Variants in ASMT observed in about 807,000 individuals in gnomAD.
The protein encoded by ASMT is acetylserotonin N-methyltransferase.
ASMT carries 53 observed loss-of-function variants against 41.3 expected under a neutral mutation model. That is an observed-to-expected ratio of 1.28 (90% CI 1.03 to 1.61). ASMT has a LOEUF of 1.61. ASMT is among the 40% of genes most tolerant of loss of function. The pLI is 0.00. For missense variants in ASMT, 531 were observed against 441.3 expected (o/e 1.20, Z -1.82); for synonymous variants, 231 against 184.8 (o/e 1.25, Z -2.03).
At chrX:1,641,403 C>G (rs1262006531) in intron 8 of ASMT, among the ~76,000 whole-genome samples, 2 of 146,244 alleles carry the variant, frequency 1.4e-5, no homozygotes, top group African/African-American at 5.0e-5. Context: ...GTCCACCTAT[C>G]CTGATGGTCC....
intron 1 of ASMT, among the ~76,000 whole-genome samples, chrX:1,622,140 C>A (rs1354783349): frequency 9.2e-5 from 14 of 151,402 alleles, no homozygotes; most frequent in Non-Finnish European, 1.5e-4. Context: ...TACAGGTGCG[C>A]ACCACCATGC....
In ASMT at chrX:1,627,633, C is replaced by G. The variant is rs749419479; in HGVS notation, c.375-70C>G. ...TGAAATGAAATGAAACGAAATGAAA[C>G]GAAATGAAATGAAATGAAATGAAAT... On this transcript the variant is annotated intron_variant, in intron 3 of 8. Coordinates refer to ENST00000381241, the MANE Select transcript of ASMT (RefSeq NM_001171038.2). 2.5e-6 allele frequency: 3 copies of G among 1,198,966 alleles called. No individual in the cohort carries two copies. The Admixed American group carries it at 5.1e-5, about 20-fold the overall frequency. 74.3% of individuals were successfully genotyped at this position (1,198,966 alleles called of 1,614,324 possible).
rs1351346563 is a variant in ASMT, at chrX:1,615,120, C to T, written c.-80C>T. The T allele has an allele frequency of 6.7e-6, 9 of 1,348,310 alleles. No homozygotes were observed. Among genetic ancestry groups the T allele is most frequent in the South Asian group, 1.2e-5 (1 of 80,058 alleles). 83.5% of individuals were successfully genotyped at this position (1,348,310 alleles called of 1,614,324 possible). On this transcript the variant is annotated 5_prime_UTR_variant, in exon 1 of 9. Transcript: ENST00000381241. ...AGCAGCTGTGAGCGGGTGGCTCTTCCCCACCTTGCCAGCAGGCTCTGTGCT... is the reference window on the plus strand; with the variant it reads ...AGCAGCTGTGAGCGGGTGGCTCTTCTCCACCTTGCCAGCAGGCTCTGTGCT...
intron 5 of ASMT, among the ~76,000 whole-genome samples, chrX:1,630,905 A>G (rs868085706): frequency 9.2e-6 from 1 of 108,946 alleles, no homozygotes; most frequent in Non-Finnish European, 1.9e-5. Context: ...ATTTACTTGT[A>G]TTTATTTATT....
At chrX:1,623,972 T>C (rs184619605) in intron 2 of ASMT, among the ~76,000 whole-genome samples, 2 of 152,228 alleles carry the variant, frequency 1.3e-5, no homozygotes, top group East Asian at 3.9e-4. Flanking sequence ...TTAGACATTC[T>C]GTGGAATGTA....
intron 1 of ASMT, among the ~76,000 whole-genome samples, chrX:1,616,319 C>T (rs1170445889): frequency 6.6e-6 from 1 of 151,430 alleles, no homozygotes; most frequent in East Asian, 1.9e-4. Flanking sequence ...CACAGAATAA[C>T]ATCGTGCTCA....
At chrX:1,635,943 A>G (rs1380052757) in intron 7 of ASMT, among the ~76,000 whole-genome samples, 1 of 151,380 alleles carries the variant, frequency 6.6e-6, no homozygotes, top group Non-Finnish European at 1.5e-5. Context: ...AAGAGGCCAC[A>G]CTTATTCAGT....
intron 4 of ASMT, chrX:1,628,077 T>C: frequency 7.0e-6 from 3 of 428,274 alleles, no homozygotes. Context: ...TCCCAGAACT[T>C]TGGGAGGCCG....
chrX:1,627,623 C>G, intron 3 of ASMT, 80 bp from the exon 4 acceptor site: 1 of 1,126,858 alleles, frequency 8.9e-7, no homozygotes, highest in East Asian at 3.0e-5. Context: ...TGAAATGAAA[C>G]GAAATGAAAC....
chrX:1,622,260 G>A (rs1934363834), intron 1 of ASMT, among the ~76,000 whole-genome samples: 1 of 151,036 alleles, frequency 6.6e-6, no homozygotes, highest in South Asian at 2.1e-4. Flanking sequence ...CCAAAGTGCT[G>A]GGATTACAGG....
In ASMT at chrX:1,636,473, C is replaced by T; in HGVS notation, c.823C>T (p.Leu275=). The T allele has an allele frequency of 6.2e-7, 1 of 1,613,942 alleles. No individual in the cohort carries two copies. Among genetic ancestry groups the T allele is most frequent in the East Asian group, 2.2e-5 (1 of 44,874 alleles). The change falls in exon 8 of 9, where the codon CTG becomes TTG. Residue 275 remains leucine (L), a synonymous_variant. Coordinates refer to ENST00000381241, the MANE Select transcript of ASMT (RefSeq NM_001171038.2). Reference sequence around the variant, plus strand: ...CAAAGACCCTCTTCCGGAAGCTGATCTGTACATCCTGGCCAGGGTCCTCCA... The same window carrying T: ...CAAAGACCCTCTTCCGGAAGCTGATTTGTACATCCTGGCCAGGGTCCTCCA... The part of the protein sequence containing the change: ...FFKDPLPEAD[L]YILARVLHDW...
chrX:1,634,671 TC>T (rs1934894482), intron 7 of ASMT, among the ~76,000 whole-genome samples: 1 of 147,032 alleles, frequency 6.8e-6, no homozygotes. Context: ...CCTTTTTTTT[TC>T]TTGTTTTTTT....
rs769851772 is a variant in ASMT at position 1,616,189 on chromosome X, C to T, written c.69+921C>T. ...GATTACAGGCACCCACCACCACGCC[C>T]GGCTAATTTTTGTATTTTTAGTAGA... On this transcript the variant is annotated intron_variant, in intron 1 of 8. Transcript: ENST00000381241. Among the ~76,000 whole-genome samples the T allele has an allele frequency of 5.7e-3, 772 of 134,756 alleles. 18 individuals carry two copies. Among genetic ancestry groups the T allele is most frequent in the Non-Finnish European group, 5.2e-3 (304 of 58,960 alleles). The allele number at this position is 134,756 out of a possible 152,430, so 88.4% of individuals were successfully genotyped here. A position where few individuals can be genotyped will look rare whatever the true frequency, so the allele number is the denominator to read the frequency against.
chrX:1,619,497 A>AT (rs1934258583), intron 1 of ASMT, among the ~76,000 whole-genome samples: 1 of 149,678 alleles, frequency 6.7e-6, no homozygotes, highest in Non-Finnish European at 1.5e-5. Context: ...TGGCACATGT[A>AT]TACCTGTGCA....
At chrX:1,623,448 A>C in intron 2 of ASMT, 135 bp downstream of exon 2, 3 of 1,166,036 alleles carry the variant, frequency 2.6e-6, no homozygotes. Flanking sequence ...AAATACAAAA[A>C]ATTAGCCGGG....
At chrX:1,642,174 C>T (rs1276419802) in intron 8 of ASMT, among the ~76,000 whole-genome samples, 4 of 146,850 alleles carry the variant, frequency 2.7e-5, no homozygotes, top group Non-Finnish European at 6.0e-5. Flanking sequence ...GACATGGGCA[C>T]AGCCTCTCTG....
At chrX:1,637,181 C>G (rs1935023029) in intron 8 of ASMT, among the ~76,000 whole-genome samples, 1 of 65,450 alleles carries the variant, frequency 1.5e-5, no homozygotes, top group Non-Finnish European at 2.8e-5. Context: ...GGACAGTGTC[C>G]CAGTGTCCTG....
intron 4 of ASMT, 76 bp from the exon 5 acceptor site, chrX:1,629,745 G>A (rs1166364117): frequency 1.5e-6 from 2 of 1,339,276 alleles, no homozygotes; most frequent in Non-Finnish European, 2.2e-6. Flanking sequence ...GTTCTCAACA[G>A]GGGGTTATGT....
At position 1,636,425 on chromosome X, in the gene ASMT, C is replaced by A. The variant is rs1470846069; in HGVS notation, c.788-13C>A. On this transcript the variant is annotated splice_polypyrimidine_tract_variant and intron_variant, in intron 7 of 8. Transcript: ENST00000381241. ...TTGCAGGCTGACCTCGGTGTGCCTG[C>A]CCTGTGTTCCAGGGGATTTCTTCAA... 18 of 1,613,750 alleles carry A rather than the reference C, an allele frequency of 1.1e-5. No individual in the cohort carries two copies. In the East Asian group the frequency reaches 4.0e-4, roughly 36 times the overall value.
Sources: gnomAD v4.1 joint callset for allele counts (sites outside exome capture counted in the v4.1 genomes callset) on GRCh38, gnomAD v4.1.1 for gene constraint, MANE v1.5 for transcripts, NCBI Gene and HGNC (gene_info 2026-07-23, HGNC 2026-07-21) for gene names.